SYNJ1: variants seen among roughly 807,000 people sequenced by gnomAD.
The protein encoded by SYNJ1 is polyphosphatidylinositol phosphatase SYNJ1.
A neutral mutation model predicts 168.2 loss-of-function variants in SYNJ1; 78 were observed. The observed-to-expected ratio is 0.46, with a 90% CI of 0.39 to 0.56. SYNJ1 has a LOEUF of 0.56. Ranked by LOEUF, SYNJ1 falls within the 20% of genes least tolerant of loss-of-function variation. SYNJ1 has a pLI of 0.00. For synonymous variants in SYNJ1, 539 were observed against 548.6 expected (o/e 0.98, Z 0.24); for missense variants, 1,303 against 1,597.6 (o/e 0.82, Z 3.14).
chr21:32,688,403 A>C, intron 6 of SYNJ1, 36 bp from the exon 7 acceptor site: 1 of 1,572,884 alleles, frequency 6.4e-7, no homozygotes, highest in Non-Finnish European at 8.7e-7. Flanking sequence ...CAAACCAAAA[A>C]CCAACATATA....
At chr21:32,632,196 A>G (rs2039357625) in intron 32 of SYNJ1, among the ~76,000 whole-genome samples, 2 of 152,214 alleles carry the variant, frequency 1.3e-5, no homozygotes, top group African/African-American at 4.8e-5. Context: ...ATAAAATTCT[A>G]ACACCCATCT....
Position 32,642,118 on chromosome 21 carries a change from C to A in SYNJ1, c.3494G>T (p.Gly1165Val). 6.2e-7 allele frequency: 1 copy of A among 1,613,862 alleles called. No individual in the cohort carries two copies. Among genetic ancestry groups the A allele is most frequent in the Non-Finnish European group, 8.5e-7 (1 of 1,179,990 alleles). The change falls in exon 28 of 33, where the codon GGA becomes GTA. Residue 1165 changes from glycine to valine, a missense_variant. By Grantham distance (109) the Gly-to-Val change is moderately radical (BLOSUM62 -3). This residue lies in a region of SYNJ1 where 383 missense variants were observed against 388.8 expected (regional missense o/e 0.99). Coordinates refer to ENST00000674351, the MANE Select transcript of SYNJ1 (RefSeq NM_203446.3). ...ACCTATATTATCTTTCCTTGTTGTT[C>A]CAGGGCTTTTGGGTGCTTTGAAGCA... ...RREMEAPKSP[G>V]TTRKDNIGRS...
At chr21:32,725,437 T>C (rs1341051426) in intron 2 of SYNJ1, among the ~76,000 whole-genome samples, 2 of 152,218 alleles carry the variant, frequency 1.3e-5, no homozygotes, top group African/African-American at 2.4e-5. Context: ...TGATTGAGTA[T>C]AGCCAATATT....
intron 2 of SYNJ1, among the ~76,000 whole-genome samples, chr21:32,704,558 G>A (rs1167639741): frequency 6.6e-6 from 1 of 152,148 alleles, no homozygotes; most frequent in Non-Finnish European, 1.5e-5. Flanking sequence ...CTTGTGGGAG[G>A]GGCCGCCTGG....
chr21:32,685,999 C>T, intron 8 of SYNJ1, 82 bp from the exon 9 acceptor site: 1 of 1,411,366 alleles, frequency 7.1e-7, no homozygotes, highest in Non-Finnish European at 9.5e-7. Flanking sequence ...ATTTCATTGA[C>T]ACTGGCAATA....
At chr21:32,667,644 T>A (rs538254321) in intron 15 of SYNJ1, among the ~76,000 whole-genome samples, 3 of 151,892 alleles carry the variant, frequency 2.0e-5, no homozygotes, top group Admixed American at 2.0e-4. Context: ...AGGATGTCGG[T>A]TCACTGCAAC....
At position 32,726,905 on chromosome 21, in the gene SYNJ1, T is replaced by C. The variant is rs1366001589; in HGVS notation, c.-10A>G. 6.2e-7 allele frequency: 1 copy of C among 1,613,912 alleles called. No homozygotes were observed. The highest frequency in any genetic ancestry group is 1.1e-5 in the South Asian group (1 of 91,070). ...CTTTACTGAACGCCATTCTCCTTTC[T>C]TCGGAGGCAGCCCTGCGAAAACCAA... On this transcript the variant is annotated 5_prime_UTR_variant, in exon 2 of 33. Coordinates refer to ENST00000674351, the MANE Select transcript of SYNJ1 (RefSeq NM_203446.3).
chr21:32,674,798 T>C (rs1245528327), intron 13 of SYNJ1, among the ~76,000 whole-genome samples: 1 of 152,202 alleles, frequency 6.6e-6, no homozygotes, highest in Non-Finnish European at 1.5e-5. Context: ...TTTTACCACA[T>C]GATCTTATTT....
chr21:32,689,356 G>A (rs2041941866), intron 6 of SYNJ1, among the ~76,000 whole-genome samples: 1 of 152,166 alleles, frequency 6.6e-6, no homozygotes, highest in Non-Finnish European at 1.5e-5. Flanking sequence ...GAGTGCATTG[G>A]CGTGATCTCG....
intron 2 of SYNJ1, among the ~76,000 whole-genome samples, chr21:32,709,868 T>G (rs1461816086): frequency 2.0e-5 from 3 of 152,120 alleles, no homozygotes; most frequent in East Asian, 3.9e-4. Context: ...TAAAGAGTAT[T>G]GACAGAATTC....
chr21:32,683,299 C>A (rs1334981899), intron 10 of SYNJ1, among the ~76,000 whole-genome samples: 1 of 150,284 alleles, frequency 6.7e-6, no homozygotes, highest in East Asian at 2.0e-4. Context: ...AGAGTTGAGA[C>A]TATGTTTATC....
At chr21:32,700,394 C>T (rs572535134) in intron 3 of SYNJ1, among the ~76,000 whole-genome samples, 2 of 152,302 alleles carry the variant, frequency 1.3e-5, no homozygotes, top group East Asian at 1.9e-4. Context: ...GTGGCTCACG[C>T]CTGTAATCCC....
chr21:32,650,333 G>C lies in SYNJ1; in HGVS notation c.2888C>G (p.Thr963Ser). The change falls in exon 23 of 33, where the codon ACT becomes AGT. Residue 963 changes from threonine (T) to serine (S), a missense_variant. Thr to Ser is a moderately conservative substitution (Grantham distance 58). This residue lies in a region of SYNJ1 where 920 missense variants were observed against 1,208.8 expected (regional missense o/e 0.76). Coordinates refer to ENST00000674351, the MANE Select transcript of SYNJ1 (RefSeq NM_203446.3). ...TGGACTTTTTAAAGCAATAGTTATA[G>C]TCCGATTCAATAACTAGCGGAGTAA... Reference protein sequence around the residue: ...SLNGKELLNRTITIALKSPDW... With the variant: ...SLNGKELLNRSITIALKSPDW... 1 of 1,605,630 alleles carries C rather than the reference G, an allele frequency of 6.2e-7. No homozygotes were observed. The highest frequency in any genetic ancestry group is 1.1e-5 in the South Asian group (1 of 88,786).
At chr21:32,681,936 C>G (rs952826084) in intron 10 of SYNJ1, among the ~76,000 whole-genome samples, 13 of 151,762 alleles carry the variant, frequency 8.6e-5, no homozygotes, top group Non-Finnish European at 1.6e-4. Context: ...TTTACCTTGC[C>G]CACCTAAAAG....
chr21:32,703,072 G>A (rs2086452132), intron 2 of SYNJ1, among the ~76,000 whole-genome samples: 1 of 152,204 alleles, frequency 6.6e-6, no homozygotes, highest in African/African-American at 2.4e-5. Flanking sequence ...CACTTTCCCT[G>A]CCTGCTTCAC....
chr21:32,666,624 C>G lies in SYNJ1; in HGVS notation c.1812-51G>C, dbSNP rs58656265. 6 of 1,551,946 alleles carry G rather than the reference C, an allele frequency of 3.9e-6. No homozygotes were observed. The East Asian group carries it at 1.4e-4, about 35-fold the overall frequency. ...TTTTTTAAAAAGGTATTGACAATAG[C>G]CTATTTTATGACAATTGTCAATTAT... On this transcript the variant is annotated intron_variant, in intron 15 of 32. Coordinates refer to ENST00000674351, the MANE Select transcript of SYNJ1 (RefSeq NM_203446.3).
intron 31 of SYNJ1, among the ~76,000 whole-genome samples, chr21:32,637,662 C>T (rs913298857): frequency 2.0e-5 from 3 of 152,122 alleles, no homozygotes; most frequent in East Asian, 3.9e-4. Flanking sequence ...GCGATCGACC[C>T]GCCATGGCCT....
intron 18 of SYNJ1, among the ~76,000 whole-genome samples, chr21:32,660,545 G>A (rs1332482459): frequency 6.6e-6 from 1 of 152,248 alleles, no homozygotes; most frequent in African/African-American, 2.4e-5. Context: ...TCAGCAGACT[G>A]GGAGTTATAC....
intron 2 of SYNJ1, among the ~76,000 whole-genome samples, chr21:32,705,595 G>T (rs1421785457): frequency 6.6e-6 from 1 of 152,146 alleles, no homozygotes; most frequent in Non-Finnish European, 1.5e-5. Context: ...CCTATGAATT[G>T]AAAGTCTCAT....
Sources: gnomAD v4.1 joint callset for allele counts (sites outside exome capture counted in the v4.1 genomes callset) on GRCh38, gnomAD v4.1.1 for gene constraint, gnomAD v4.1.1 regional missense constraint, MANE v1.5 for transcripts, NCBI Gene and HGNC (gene_info 2026-07-23, HGNC 2026-07-21) for gene names.